GALK2: variants seen among roughly 807,000 people sequenced by gnomAD.
The protein encoded by GALK2 is galactokinase 2.
In GALK2, 36 loss-of-function variants were observed where a neutral mutation model predicts 52.4. The observed-to-expected ratio is 0.69, with a 90% confidence interval of 0.53 to 0.91. The LOEUF (loss-of-function observed/expected upper bound fraction) is 0.91. Ranked by LOEUF, GALK2 falls within the 40% of genes least tolerant of loss-of-function variation. The pLI is 0.00. For synonymous variants in GALK2, 176 were observed against 199.1 expected (o/e 0.88, Z 0.98); for missense variants, 579 against 559.1 (o/e 1.04, Z -0.36).
intron 5 of GALK2, among the ~76,000 whole-genome samples, chr15:49,246,537 G>A (rs1202232855): frequency 6.6e-6 from 1 of 152,148 alleles, no homozygotes; most frequent in African/African-American, 2.4e-5. Context: ...ATATTATCTT[G>A]GTTGATGAAG....
chr15:49,223,290 A>T (rs889263727), intron 3 of GALK2: 1 of 152,098 alleles, frequency 6.6e-6, no homozygotes, highest in African/African-American at 2.4e-5. Context: ...TTCGTGGTTA[A>T]TCTGGCTAGC....
At chr15:49,245,683 C>T (rs1462431779) in intron 5 of GALK2, among the ~76,000 whole-genome samples, 1 of 152,116 alleles carries the variant, frequency 6.6e-6, no homozygotes, top group East Asian at 1.9e-4. Flanking sequence ...GGCAGTAGTC[C>T]ATTCCAACAA....
chr15:49,287,838 C>T (rs1157163307), intron 7 of GALK2, among the ~76,000 whole-genome samples: 2 of 151,930 alleles, frequency 1.3e-5, no homozygotes, highest in Non-Finnish European at 2.9e-5. Flanking sequence ...TTTTTTTAAT[C>T]AAGTTAACAC....
At position 49,201,221 on chromosome 15, in the gene GALK2, T is replaced by C. The variant is rs1418853213; in HGVS notation, c.113T>C (p.Val38Ala). 1 of 1,609,730 alleles carries C rather than the reference T, an allele frequency of 6.2e-7. No homozygotes were observed. The highest frequency in any genetic ancestry group is 1.7e-5 in the Admixed American group (1 of 59,990). ...TTTGGATCTATTCCCAAGTTTTATG[T>C]TCGAGCACCAGGAAGAGTCAACATA... is the stretch of plus-strand genomic sequence containing the variant. ...SKFGSIPKFY[V>A]RAPGRVNIIG... Residue 38 changes from valine (V) to alanine (A), a missense_variant, in exon 2 of 10, where the codon GTT becomes GCT. Val to Ala is a moderately conservative substitution (Grantham distance 64). Transcript: ENST00000560031.
At chr15:49,162,772 C>T (rs1185053916) in intron 1 of GALK2, among the ~76,000 whole-genome samples, 1 of 152,010 alleles carries the variant, frequency 6.6e-6, no homozygotes, top group East Asian at 1.9e-4. Context: ...TAGCAGCCAG[C>T]CAAAAAATAA....
At chr15:49,305,721 A>C (rs2035493294) in intron 8 of GALK2, among the ~76,000 whole-genome samples, 1 of 152,226 alleles carries the variant, frequency 6.6e-6, no homozygotes, top group Non-Finnish European at 1.5e-5. Flanking sequence ...GAGAGGATGA[A>C]GATCACAAGG....
intron 5 of GALK2, among the ~76,000 whole-genome samples, chr15:49,273,108 C>T (rs1163900587): frequency 2.0e-5 from 3 of 152,212 alleles, no homozygotes; most frequent in African/African-American, 7.2e-5. Context: ...GTGATACACA[C>T]TTTCTGAGCC....
chr15:49,234,567 G>C (rs541585994), intron 3 of GALK2, among the ~76,000 whole-genome samples: 88 of 152,264 alleles, frequency 5.8e-4, no homozygotes, highest in African/African-American at 2.0e-3. Flanking sequence ...AGCGGGCAAA[G>C]AGAGCATGTG....
At chr15:49,172,016 G>A (rs948911058) in intron 1 of GALK2, among the ~76,000 whole-genome samples, 1 of 152,028 alleles carries the variant, frequency 6.6e-6, no homozygotes. Flanking sequence ...CAAGTGATCC[G>A]CCCGTCTCAG....
At chr15:49,180,851 C>T (rs1214001930) in intron 1 of GALK2, among the ~76,000 whole-genome samples, 1 of 151,822 alleles carries the variant, frequency 6.6e-6, no homozygotes, top group Non-Finnish European at 1.5e-5. Context: ...CTTTAATGTA[C>T]CTTCCCTCTT....
chr15:49,186,176 A>G (rs1342410463), intron 1 of GALK2, among the ~76,000 whole-genome samples: 4 of 152,266 alleles, frequency 2.6e-5, no homozygotes, highest in Non-Finnish European at 2.9e-5. Context: ...CTCTTTTATT[A>G]TCCCTTTGAA....
intron 1 of GALK2, among the ~76,000 whole-genome samples, chr15:49,186,107 G>A (rs1026723053): frequency 1.3e-5 from 2 of 151,940 alleles, no homozygotes; most frequent in Admixed American, 6.6e-5. Flanking sequence ...AAATCTGCTT[G>A]GTGTTCCATA....
At chr15:49,250,677 G>C (rs1245110458) in intron 5 of GALK2, among the ~76,000 whole-genome samples, 2 of 152,094 alleles carry the variant, frequency 1.3e-5, no homozygotes, top group African/African-American at 4.8e-5. Flanking sequence ...GATATAATCA[G>C]TATCATAGAC....
At chr15:49,237,119 T>G (rs1250190930) in intron 4 of GALK2, among the ~76,000 whole-genome samples, 1 of 152,218 alleles carries the variant, frequency 6.6e-6, no homozygotes, top group African/African-American at 2.4e-5. Context: ...ACAACATGCC[T>G]TTTTGCAGCA....
At chr15:49,212,539 T>G (rs2089007663) in intron 2 of GALK2, among the ~76,000 whole-genome samples, 1 of 152,180 alleles carries the variant, frequency 6.6e-6, no homozygotes, top group Admixed American at 6.5e-5. Flanking sequence ...TTTCCTCTAC[T>G]AATTCTGCAT....
chr15:49,362,753 T>C (rs2044461170), intron 3 of GALK2, among the ~76,000 whole-genome samples: 1 of 146,336 alleles, frequency 6.8e-6, no homozygotes, highest in Non-Finnish European at 1.5e-5. Context: ...TTTTAATAGG[T>C]TTAGGTCTTA....
At position 49,331,058 on chromosome 15, in the gene GALK2, T is replaced by C. The variant is rs1039274994; in HGVS notation, c.*2899T>C. The C allele has an allele frequency of 2.0e-5, 3 of 152,296 alleles. No homozygotes were observed. Among genetic ancestry groups the C allele is most frequent in the Non-Finnish European group, 4.4e-5 (3 of 68,068 alleles). The allele number at this position is 152,296 out of a possible 1,614,324, so 9.4% of individuals were successfully genotyped here. A position where few individuals can be genotyped will look rare whatever the true frequency, so the allele number is the denominator to read the frequency against. ...GGTGTTTCACTCTTTCTATCACTTTTCTGCCCCATGTAGGAATTTGATTTG... is the reference window on the plus strand; with the variant it reads ...GGTGTTTCACTCTTTCTATCACTTTCCTGCCCCATGTAGGAATTTGATTTG... On this transcript the variant is annotated 3_prime_UTR_variant, in exon 10 of 10. Coordinates refer to ENST00000560031, the MANE Select transcript of GALK2 (RefSeq NM_002044.4).
intron 5 of GALK2, among the ~76,000 whole-genome samples, chr15:49,242,468 G>A (rs1026119731): frequency 1.3e-5 from 2 of 152,180 alleles, no homozygotes; most frequent in Non-Finnish European, 2.9e-5. Flanking sequence ...TAGGGGAAGT[G>A]TGAGAATAGA....
chr15:49,354,941 C>T (rs1006424975), intron 3 of GALK2, among the ~76,000 whole-genome samples: 10 of 151,680 alleles, frequency 6.6e-5, no homozygotes, highest in South Asian at 2.1e-4. Flanking sequence ...CCCTGACCCT[C>T]GAGCAGCCTA....
Sources: gnomAD v4.1 joint callset for allele counts (sites outside exome capture counted in the v4.1 genomes callset) on GRCh38, gnomAD v4.1.1 for gene constraint, MANE v1.5 for transcripts, NCBI Gene and HGNC (gene_info 2026-07-23, HGNC 2026-07-21) for gene names.